MALRD1: variants seen among roughly 807,000 people sequenced by gnomAD.
The protein encoded by MALRD1 is MAM and LDL-receptor class A domain-containing protein 1.
In MALRD1, 247 loss-of-function variants were observed where a neutral mutation model predicts 242.1. The ratio of observed to expected loss-of-function variants is 1.02; its 90% confidence interval spans 0.92 to 1.13. The LOEUF (loss-of-function observed/expected upper bound fraction) is 1.13. MALRD1 is among the 50% of genes most tolerant of loss of function. The probability of loss-of-function intolerance (pLI) is 0.00; values close to 1 mark genes in which losing one functional copy is unlikely to be tolerated. For missense variants in MALRD1, 2,989 were observed against 2,533.1 expected, an observed-to-expected ratio of 1.18 and a Z score of -3.86; for synonymous variants, 995 against 866.6, an observed-to-expected ratio of 1.15 and a Z score of -2.60.
Position 19,068,085 on chromosome 10 carries a change from C to A in MALRD1, c.340+1226C>A, listed in dbSNP as rs536849787. On this transcript the variant is annotated intron_variant, in intron 2 of 39. Transcript: ENST00000454679. ...TGAATCTTGCTCCCAACCTAACGGC[C>A]ATTGCAGTCTTACAGATTGCTGATT... Among the ~76,000 whole-genome samples the A allele has an allele frequency of 5.3e-5, 8 of 152,160 alleles. No individual in the cohort carries two copies. The South Asian group carries it at 1.7e-3, about 32-fold the overall frequency.
At chr10:19,707,649 TA>T (rs1833927654) in intron 38 of MALRD1, among the ~76,000 whole-genome samples, 2 of 151,692 alleles carry the variant, frequency 1.3e-5, no homozygotes, top group East Asian at 3.9e-4. Context: ...ATGTGCCATT[TA>T]AAAATATTTC....
chr10:19,338,892 T>C (rs944465496), intron 24 of MALRD1, among the ~76,000 whole-genome samples: 23 of 149,970 alleles, frequency 1.5e-4, no homozygotes, highest in African/African-American at 5.1e-4. Flanking sequence ...CACGCACATA[T>C]ATACATATAT....
At chr10:19,686,608 A>G (rs1011896396) in intron 36 of MALRD1, among the ~76,000 whole-genome samples, 4 of 152,206 alleles carry the variant, frequency 2.6e-5, no homozygotes, top group African/African-American at 9.6e-5. Context: ...GCCAATTATT[A>G]TTTTAGAGAG....
chr10:19,317,241 T>C (rs1216984732), intron 21 of MALRD1, among the ~76,000 whole-genome samples: 2 of 151,854 alleles, frequency 1.3e-5, no homozygotes, highest in African/African-American at 4.8e-5. Flanking sequence ...GCTGAGAGGT[T>C]TCTTATTTGC....
intron 1 of MALRD1, among the ~76,000 whole-genome samples, chr10:19,062,124 A>G (rs938409410): frequency 1.3e-5 from 2 of 152,178 alleles, no homozygotes; most frequent in African/African-American, 4.8e-5. Flanking sequence ...TTGAATAGAC[A>G]TTTCTCAAAA....
At chr10:19,211,876 A>T (rs1052497574) in intron 18 of MALRD1, among the ~76,000 whole-genome samples, 1 of 152,052 alleles carries the variant, frequency 6.6e-6, no homozygotes, top group African/African-American at 2.4e-5. Flanking sequence ...AGCAGATAGG[A>T]GGTACTCATT....
chr10:19,620,120 AAGAAG>A (rs1839337291), intron 36 of MALRD1, among the ~76,000 whole-genome samples: 1 of 152,054 alleles, frequency 6.6e-6, no homozygotes, highest in South Asian at 2.1e-4. Flanking sequence ...AAAATATGTC[AAGAAG>A]AGAAATCAAA....
intron 33 of MALRD1, among the ~76,000 whole-genome samples, chr10:19,583,358 G>A (rs1837226110): frequency 6.6e-6 from 1 of 150,724 alleles, no homozygotes; most frequent in African/African-American, 2.5e-5. Flanking sequence ...TTGGCTGTGG[G>A]TTTGTCGTAG....
chr10:19,277,954 A>G (rs1255645591), intron 19 of MALRD1, among the ~76,000 whole-genome samples: 2 of 152,076 alleles, frequency 1.3e-5, no homozygotes, highest in Non-Finnish European at 2.9e-5. Context: ...TTTTTTTCCA[A>G]TGTTAGAGCA....
chr10:19,291,333 A>G (rs920794111), intron 21 of MALRD1: 2 of 152,174 alleles, frequency 1.3e-5, no homozygotes, highest in Non-Finnish European at 2.9e-5. Flanking sequence ...GAAAATTTAT[A>G]TATAAATTTG....
chr10:19,637,360 A>G (rs1840184244), intron 36 of MALRD1, among the ~76,000 whole-genome samples: 1 of 152,228 alleles, frequency 6.6e-6, no homozygotes, highest in South Asian at 2.1e-4. Flanking sequence ...TGATGGTATC[A>G]ACAATGATTA....
intron 12 of MALRD1, among the ~76,000 whole-genome samples, chr10:19,157,455 T>C (rs573356173): frequency 2.6e-5 from 4 of 151,834 alleles, no homozygotes; most frequent in African/African-American, 4.8e-5. Flanking sequence ...CACCATGTTA[T>C]CCAGGATGGT....
intron 14 of MALRD1, among the ~76,000 whole-genome samples, chr10:19,199,374 A>G (rs1039123807): frequency 6.6e-6 from 1 of 152,240 alleles, no homozygotes; most frequent in Non-Finnish European, 1.5e-5. Flanking sequence ...TAATGATTTA[A>G]CTTAATAGAA....
At chr10:19,380,352 C>G (rs979799152) in intron 26 of MALRD1, among the ~76,000 whole-genome samples, 3 of 151,072 alleles carry the variant, frequency 2.0e-5, no homozygotes, top group Admixed American at 2.0e-4. Context: ...GTATTCCACA[C>G]CATGAGTTCC....
chr10:19,188,823 A>C (rs1835848954), intron 14 of MALRD1, among the ~76,000 whole-genome samples: 1 of 148,658 alleles, frequency 6.7e-6, no homozygotes, highest in Admixed American at 6.9e-5. Context: ...GAATAAGGAA[A>C]TGATGGTGAC....
At chr10:19,381,780 A>G (rs573481544) in intron 26 of MALRD1, among the ~76,000 whole-genome samples, 2 of 152,066 alleles carry the variant, frequency 1.3e-5, no homozygotes, top group Non-Finnish European at 1.5e-5. Flanking sequence ...TGGAGTTTGC[A>G]GTGAGCCGAG....
chr10:19,638,352 T>C (rs1840239650), intron 36 of MALRD1, among the ~76,000 whole-genome samples: 1 of 152,004 alleles, frequency 6.6e-6, no homozygotes, highest in Admixed American at 6.6e-5. Flanking sequence ...AGAGAGATTG[T>C]TTACAGAGAC....
At chr10:19,638,742 C>A (rs1267719077) in intron 36 of MALRD1, among the ~76,000 whole-genome samples, 1 of 152,072 alleles carries the variant, frequency 6.6e-6, no homozygotes, top group Non-Finnish European at 1.5e-5. Flanking sequence ...CCCTCAGATT[C>A]CAGTGAGGTC....
chr10:19,164,358 C>G (rs1382482835), intron 12 of MALRD1, among the ~76,000 whole-genome samples: 4 of 152,014 alleles, frequency 2.6e-5, no homozygotes, highest in Non-Finnish European at 4.4e-5. Context: ...CATGGCTTGC[C>G]TATATATACA....
Sources: gnomAD v4.1 joint callset for allele counts (sites outside exome capture counted in the v4.1 genomes callset) on GRCh38, gnomAD v4.1.1 for gene constraint, MANE v1.5 for transcripts, NCBI Gene and HGNC (gene_info 2026-07-23, HGNC 2026-07-21) for gene names.